The following METAP2 variants were observed in gnomAD, a reference collection of about 807,000 sequenced individuals.
METAP2 encodes methionine aminopeptidase 2.
In METAP2, 25 loss-of-function variants were observed where a neutral mutation model predicts 59.4. That is an observed-to-expected ratio of 0.42 (90% CI 0.31 to 0.59). The LOEUF (loss-of-function observed/expected upper bound fraction) is 0.59, where lower values mean the gene tolerates loss of function less well. Among genes scored for constraint, METAP2 ranks in the 20% least tolerant of loss-of-function variants. METAP2 has a pLI of 0.16. For synonymous variants in METAP2, 214 were observed against 194.1 expected (o/e 1.10, Z -0.85); for missense variants, 366 against 581.2 (o/e 0.63, Z 3.81).
intron 5 of METAP2, 80 bp from the exon 6 acceptor site, chr12:95,494,877 G>A: frequency 8.7e-7 from 1 of 1,153,588 alleles, no homozygotes; most frequent in Non-Finnish European, 1.2e-6. Flanking sequence ...AAACTTTCTG[G>A]ACTTGATGAA....
intron 3 of METAP2, 86 bp from the exon 4 acceptor site, chr12:95,485,793 A>G: frequency 4.6e-6 from 4 of 863,714 alleles, no homozygotes; most frequent in Non-Finnish European, 6.9e-6. Flanking sequence ...AGAACATATA[A>G]CAACCATTAG....
chr12:95,490,103 CTTTTTTTTTTT>C (rs1188708581), intron 4 of METAP2, among the ~76,000 whole-genome samples: 1 of 142,172 alleles, frequency 7.0e-6, no homozygotes, highest in Non-Finnish European at 1.5e-5. Flanking sequence ...AGTTTTTTTT[CTTTTTTTTTTT>C]GTTTTGAGAC....
chr12:95,498,403 C>T (rs1036803797), intron 7 of METAP2, among the ~76,000 whole-genome samples: 8 of 151,902 alleles, frequency 5.3e-5, no homozygotes, highest in African/African-American at 9.7e-5. Flanking sequence ...CTTTTTACTC[C>T]GGATATTGTG....
In METAP2 at chr12:95,483,444, G is replaced by A. The variant is rs374010652; in HGVS notation, c.325+164G>A. On this transcript the variant is annotated intron_variant, in intron 3 of 10. Transcript: ENST00000323666. ...TAAGCTGAGATTGTGCCACTGCACTGCAGCCTGGGCAACAGAGTGAGACTC... is the reference window on the plus strand; with the variant it reads ...TAAGCTGAGATTGTGCCACTGCACTACAGCCTGGGCAACAGAGTGAGACTC... The A allele has an allele frequency of 3.5e-5, 13 of 368,816 alleles. No individual in the cohort carries two copies. The South Asian group carries it at 5.0e-4, about 14-fold the overall frequency. 22.8% of individuals were successfully genotyped at this position (368,816 alleles called of 1,614,324 possible). A position where few individuals can be genotyped will look rare whatever the true frequency, so the allele number is the denominator to read the frequency against.
rs1380846726 is a variant in METAP2 at position 95,514,897 on chromosome 12, A to T, written c.*993A>T. On this transcript the variant is annotated 3_prime_UTR_variant, in exon 11 of 11. Coordinates refer to ENST00000323666, the MANE Select transcript of METAP2 (RefSeq NM_006838.4). ...CCTTTGACAGGTTTGGATTCTTAAC[A>T]TTACTAGTGGTATTTCAGGAAGTGA... 1 of 152,386 alleles carries T rather than the reference A, an allele frequency of 6.6e-6. No individual in the cohort carries two copies. The highest frequency in any genetic ancestry group is 1.5e-5 in the Non-Finnish European group (1 of 68,034). 9.4% of individuals were successfully genotyped at this position (152,386 alleles called of 1,614,324 possible).
chr12:95,486,775 G>A (rs150806446), intron 4 of METAP2, among the ~76,000 whole-genome samples: 4,267 of 152,226 alleles, frequency 0.028, 190 homozygotes, highest in African/African-American at 0.097. Context: ...GGGATTACAG[G>A]CATGAGCCAC....
At chr12:95,503,023 C>CTT (rs2076328399) in intron 7 of METAP2, among the ~76,000 whole-genome samples, 1 of 147,524 alleles carries the variant, frequency 6.8e-6, no homozygotes, top group African/African-American at 2.5e-5. Flanking sequence ...GTTTTGAAGG[C>CTT]TTTGTGTAGT....
intron 8 of METAP2, among the ~76,000 whole-genome samples, chr12:95,505,767 T>C (rs2076354254): frequency 6.6e-6 from 1 of 150,666 alleles, no homozygotes. Context: ...AGTGCTGGGA[T>C]TACAGGCATG....
At chr12:95,484,998 T>C (rs1459281001) in intron 3 of METAP2, 1 of 406,540 alleles carries the variant, frequency 2.5e-6, no homozygotes, top group Non-Finnish European at 4.8e-6. Context: ...AATATAATCA[T>C]GGGCAGTTCA....
At chr12:95,486,370 C>CT (rs1177805105) in intron 4 of METAP2, among the ~76,000 whole-genome samples, 2 of 151,180 alleles carry the variant, frequency 1.3e-5, no homozygotes, top group Non-Finnish European at 1.5e-5. Context: ...TATATCTTTA[C>CT]TTTTTTTTTC....
chr12:95,506,657 T>C (rs1362156079), intron 8 of METAP2, among the ~76,000 whole-genome samples: 1 of 152,140 alleles, frequency 6.6e-6, no homozygotes, highest in Non-Finnish European at 1.5e-5. Context: ...AAGGTTTCAT[T>C]TCCCTTCCTC....
chr12:95,484,979 A>G, intron 3 of METAP2: 1 of 427,166 alleles, frequency 2.3e-6, no homozygotes, highest in Non-Finnish European at 4.6e-6. Flanking sequence ...TTTCTGTAAC[A>G]AGCCAAATAA....
chr12:95,476,923 T>C (rs950773358), intron 2 of METAP2, among the ~76,000 whole-genome samples: 2 of 152,192 alleles, frequency 1.3e-5, no homozygotes, highest in Admixed American at 6.5e-5. Context: ...GGTAATGGAC[T>C]GTCTTTTCCT....
intron 2 of METAP2, among the ~76,000 whole-genome samples, chr12:95,477,102 C>T (rs536621746): frequency 1.3e-5 from 2 of 149,864 alleles, no homozygotes; most frequent in South Asian, 4.2e-4. Flanking sequence ...CTTTTACTCT[C>T]TATTTTTTTT....
chr12:95,484,922 T>C, intron 3 of METAP2: 1 of 448,310 alleles, frequency 2.2e-6, no homozygotes, highest in Non-Finnish European at 4.4e-6. Flanking sequence ...ACTTTGAATG[T>C]CTCTTTATTT....
rs1463553008 is a variant in METAP2 at position 95,514,615 on chromosome 12, AACTTG to A, written c.*716_*720del. 4.6e-5 allele frequency: 7 copies of A among 152,212 alleles called. No individual in the cohort carries two copies. Among genetic ancestry groups the A allele is most frequent in the African/African-American group, 1.2e-4 (5 of 41,452 alleles). 9.4% of individuals were successfully genotyped at this position (152,212 alleles called of 1,614,324 possible). ...GACATTGGAAAGATGTGCTAATTGA[AACTTG>A]ACTTAGTAGGAACATTGTGCCAACT... On this transcript the variant is annotated 3_prime_UTR_variant, in exon 11 of 11. Transcript: ENST00000323666.
intron 8 of METAP2, among the ~76,000 whole-genome samples, chr12:95,504,539 C>A (rs918151839): frequency 2.0e-5 from 3 of 152,164 alleles, no homozygotes; most frequent in African/African-American, 7.2e-5. Flanking sequence ...TTCCGTCATC[C>A]AGGCTGGAGC....
intron 7 of METAP2, among the ~76,000 whole-genome samples, chr12:95,499,852 A>G (rs1421020717): frequency 1.3e-5 from 2 of 152,202 alleles, no homozygotes; most frequent in Non-Finnish European, 2.9e-5. Flanking sequence ...GACCTTCTTC[A>G]CATGGCAGCA....
chr12:95,503,338 C>G (rs116008900), intron 7 of METAP2, among the ~76,000 whole-genome samples: 1 of 152,092 alleles, frequency 6.6e-6, no homozygotes, highest in African/African-American at 2.4e-5. Flanking sequence ...TTAGAATTTT[C>G]TCATATATGC....
Sources: allele counts gnomAD v4.1 joint callset (sites outside exome capture counted in the v4.1 genomes callset), GRCh38; gene constraint gnomAD v4.1.1; transcripts MANE v1.5; gene names NCBI Gene and HGNC (gene_info 2026-07-23, HGNC 2026-07-21).